Variants in SOX6 observed in about 807,000 individuals in gnomAD.
SOX6 encodes transcription factor SOX-6.
Under a neutral mutation model 97.8 loss-of-function variants are expected in SOX6, and 11 were observed. That is an observed-to-expected ratio of 0.11 (90% confidence interval 0.07 to 0.19). The LOEUF (loss-of-function observed/expected upper bound fraction) is 0.19. Ranked by LOEUF, SOX6 falls within the 10% of genes least tolerant of loss-of-function variation. The probability of loss-of-function intolerance (pLI) is 1.00; values close to 1 mark genes in which losing one functional copy is unlikely to be tolerated. For synonymous variants in SOX6, 360 were observed against 371.4 expected (o/e 0.97, Z 0.35); for missense variants, 810 against 1,039.5 (o/e 0.78, Z 3.04).
At chr11:16,199,095 T>TTGG (rs1337222845) in intron 4 of SOX6, among the ~76,000 whole-genome samples, 3 of 152,190 alleles carry the variant, frequency 2.0e-5, no homozygotes, top group Non-Finnish European at 4.4e-5. Context: ...CTCAGAATAG[T>TTGG]TGGTGATAGA....
chr11:15,994,435 TAA>T (rs5789931), intron 13 of SOX6, among the ~76,000 whole-genome samples: 16,633 of 135,756 alleles, frequency 0.12, 1,442 homozygotes, highest in East Asian at 0.36. Context: ...TGGGTTTATG[TAA>T]AAAAAAAAAA....
intron 2 of SOX6, among the ~76,000 whole-genome samples, chr11:16,338,197 A>G (rs1856523738): frequency 6.6e-6 from 1 of 152,008 alleles, no homozygotes; most frequent in Non-Finnish European, 1.5e-5. Flanking sequence ...TTTCACAACT[A>G]TTTTTTGCGA....
intron 3 of SOX6, among the ~76,000 whole-genome samples, chr11:16,689,275 C>T (rs1193532077): frequency 6.6e-6 from 1 of 152,114 alleles, no homozygotes; most frequent in African/African-American, 2.4e-5. Context: ...TCTTTCCTGA[C>T]ACTCTGACCT....
chr11:16,119,255 A>C (rs1051340629), intron 6 of SOX6, among the ~76,000 whole-genome samples: 1 of 152,200 alleles, frequency 6.6e-6, no homozygotes, highest in Non-Finnish European at 1.5e-5. Context: ...TCCACAGTAC[A>C]TGGACTTATA....
At chr11:15,978,588 A>C (rs893266487) in intron 15 of SOX6, among the ~76,000 whole-genome samples, 3 of 151,394 alleles carry the variant, frequency 2.0e-5, no homozygotes, top group African/African-American at 7.3e-5. Flanking sequence ...CCATGGATTG[A>C]GTCCTTGCTT....
rs771361589 is a variant in SOX6, at chr11:15,986,161, C to T, written c.2183+43G>A. 30 of 1,557,854 alleles carry T rather than the reference C, an allele frequency of 1.9e-5. No homozygotes were observed. The South Asian group carries it at 2.9e-4, about 15-fold the overall frequency. On this transcript the variant is annotated intron_variant, in intron 15 of 15. Transcript: ENST00000683767. ...CCAGTAGCCATCCTATAGTTACTTA[C>T]CGCAAAAGTAAAGCCCAGGTGGCTA... is the stretch of plus-strand genomic sequence containing the variant.
At chr11:16,499,861 A>G (rs1336670656) in intron 4 of SOX6, among the ~76,000 whole-genome samples, 1 of 152,246 alleles carries the variant, frequency 6.6e-6, no homozygotes, top group East Asian at 1.9e-4. Flanking sequence ...ACGGAGTCAC[A>G]GCCGAATTCT....
chr11:16,414,540 A>G (rs1007230861), intron 1 of SOX6, among the ~76,000 whole-genome samples: 3 of 152,190 alleles, frequency 2.0e-5, no homozygotes, highest in Non-Finnish European at 4.4e-5. Flanking sequence ...AGTAAGATGG[A>G]TTATACTTAA....
chr11:16,175,613 A>T (rs1389126583), intron 6 of SOX6, among the ~76,000 whole-genome samples: 1 of 151,952 alleles, frequency 6.6e-6, no homozygotes, highest in Non-Finnish European at 1.5e-5. Flanking sequence ...ATTCAGAGTC[A>T]TACATTCCTT....
In SOX6 at chr11:16,257,777, G is replaced by A. The variant is rs1377755330; in HGVS notation, c.446-23106C>T. ...TAAGATAATGAAAAAACATGCCACA[G>A]ACTGGGAAAAAAATATTTGCAAAAG... On this transcript the variant is annotated intron_variant, in intron 3 of 15. Coordinates refer to ENST00000683767, the MANE Select transcript of SOX6 (RefSeq NM_001367873.1). Among the ~76,000 whole-genome samples the A allele has an allele frequency of 2.0e-5, 3 of 151,832 alleles. No homozygotes were observed. The East Asian group carries it at 5.8e-4, about 29-fold the overall frequency.
intron 1 of SOX6, among the ~76,000 whole-genome samples, chr11:16,430,622 G>A (rs1859255017): frequency 6.6e-6 from 1 of 152,124 alleles, no homozygotes; most frequent in African/African-American, 2.4e-5. Context: ...TATCTGTGAG[G>A]AAGTGGGCGC....
At chr11:16,566,174 G>T (rs976798672) in intron 4 of SOX6, among the ~76,000 whole-genome samples, 1 of 151,416 alleles carries the variant, frequency 6.6e-6, no homozygotes, top group Admixed American at 6.6e-5. Context: ...AATGCAACGA[G>T]ATCCTGGGAA....
chr11:16,102,409 C>T (rs1848971333), intron 7 of SOX6, among the ~76,000 whole-genome samples: 1 of 152,012 alleles, frequency 6.6e-6, no homozygotes, highest in African/African-American at 2.4e-5. Context: ...ACATCCCATG[C>T]TCATGGTTGG....
chr11:16,497,530 G>T (rs1029929281), intron 4 of SOX6, among the ~76,000 whole-genome samples: 1 of 152,024 alleles, frequency 6.6e-6, no homozygotes, highest in African/African-American at 2.4e-5. Context: ...AGATAAAGGA[G>T]GAAGTTCAAA....
intron 6 of SOX6, among the ~76,000 whole-genome samples, chr11:16,130,395 G>T (rs902132507): frequency 1.3e-5 from 2 of 151,886 alleles, no homozygotes; most frequent in Admixed American, 6.6e-5. Flanking sequence ...AGGTTAATTT[G>T]CTTAACTGTG....
intron 12 of SOX6, among the ~76,000 whole-genome samples, chr11:16,046,172 A>G (rs1198621342): frequency 6.6e-6 from 1 of 152,184 alleles, no homozygotes; most frequent in African/African-American, 2.4e-5. Flanking sequence ...TTGTAAACAC[A>G]TATGTGTCTT....
chr11:16,459,888 G>A (rs995393058), intron 1 of SOX6, among the ~76,000 whole-genome samples: 6 of 151,736 alleles, frequency 4.0e-5, no homozygotes, highest in Non-Finnish European at 5.9e-5. Context: ...GGAGGGGCAC[G>A]AACAAAAATT....
rs561777523 is a variant in SOX6, at chr11:16,513,659, C to G, written n.610-37271G>C. Among the ~76,000 whole-genome samples the G allele has an allele frequency of 2.2e-4, 34 of 152,002 alleles. 1 individual carries two copies. In the South Asian group the frequency reaches 7.1e-3, roughly 32 times the overall value. On this transcript the variant is annotated intron_variant and non_coding_transcript_variant, in intron 4 of 5. Coordinates refer to the SOX6 transcript ENST00000524520. ...ATAAATAAATAAACAAACAAACAAA[C>G]CAGCAAACGATGTAAGGGGAAGAAT... is the stretch of plus-strand genomic sequence containing the variant.
At chr11:16,278,992 A>G (rs930599424) in intron 3 of SOX6, among the ~76,000 whole-genome samples, 2 of 152,142 alleles carry the variant, frequency 1.3e-5, no homozygotes, top group Non-Finnish European at 2.9e-5. Flanking sequence ...ACTAATGTGA[A>G]ATGAGCAAAA....
Sources: allele counts gnomAD v4.1 joint callset (sites outside exome capture counted in the v4.1 genomes callset), GRCh38; gene constraint gnomAD v4.1.1; transcripts MANE v1.5; gene names NCBI Gene and HGNC (gene_info 2026-07-23, HGNC 2026-07-21).